Variants in PDGFA observed in about 807,000 individuals in gnomAD.
PDGFA encodes the protein platelet-derived growth factor subunit A.
PDGFA carries 9 observed loss-of-function variants against 25.6 expected under a neutral mutation model. The observed-to-expected ratio is 0.35, with a 90% CI of 0.21 to 0.61. PDGFA has a LOEUF of 0.61. Among genes scored for constraint, PDGFA ranks in the 20% least tolerant of loss-of-function variants. PDGFA has a pLI of 0.75. For synonymous variants in PDGFA, 133 were observed against 111.8 expected, an observed-to-expected ratio of 1.19 and a Z score of -1.20; for missense variants, 242 against 272.8, an observed-to-expected ratio of 0.89 and a Z score of 0.79.
At chr7:512,732 G>A (rs1285034966) in intron 2 of PDGFA, 18 of 1,209,736 alleles carry the variant, frequency 1.5e-5, no homozygotes, top group Non-Finnish European at 1.9e-5. Flanking sequence ...ACGAAGCGCA[G>A]GGCCCTTCGG....
Position 517,529 on chromosome 7 carries a change from G to C in PDGFA, c.64-39C>G, listed in dbSNP as rs1375780706. ...CCACACGGTCAGCGCCCGCGGCCCCGACCCCGCCGGCACGCGCCCCCGGCC... is the reference window on the plus strand; with the variant it reads ...CCACACGGTCAGCGCCCGCGGCCCCCACCCCGCCGGCACGCGCCCCCGGCC... On this transcript the variant is annotated intron_variant, in intron 1 of 5. Transcript: ENST00000402802. The surrounding 1 kb of genome is among the most constrained non-coding windows in gnomAD (Gnocchi z 7.4). The C allele has an allele frequency of 3.0e-6, 3 of 995,570 alleles. No individual in the cohort carries two copies. Among genetic ancestry groups the C allele is most frequent in the Non-Finnish European group, 3.8e-6 (3 of 789,762 alleles). The allele number at this position is 995,570 out of a possible 1,614,324, so 61.7% of individuals were successfully genotyped here. A position where few individuals can be genotyped will look rare whatever the true frequency, so the allele number is the denominator to read the frequency against.
intron 2 of PDGFA, among the ~76,000 whole-genome samples, chr7:516,049 C>CCA (rs558347240): frequency 1.2e-5 from 1 of 85,966 alleles, no homozygotes; most frequent in Non-Finnish European, 2.2e-5. Flanking sequence ...AGCCCCCCCC[C>CCA]CCCACTTTTC....
intron 2 of PDGFA, among the ~76,000 whole-genome samples, chr7:515,993 C>T (rs12720022): frequency 4.9e-5 from 6 of 121,610 alleles, no homozygotes; most frequent in Non-Finnish European, 8.9e-5. Context: ...TCCCCTTCTG[C>T]TAGCACCCCC....
At chr7:508,590 T>TAAAAAAAAAAC (rs1275774675) in intron 4 of PDGFA, among the ~76,000 whole-genome samples, 102 of 130,924 alleles carry the variant, frequency 7.8e-4, no homozygotes, top group Non-Finnish European at 1.2e-3. Context: ...AAAAAAAAAT[T>TAAAAAAAAAAC]CTCAGCTGAG....
At chr7:513,463 T>A (rs1456430346) in intron 2 of PDGFA, 1 of 152,194 alleles carries the variant, frequency 6.6e-6, no homozygotes, top group Non-Finnish European at 1.5e-5. Flanking sequence ...CTGGGCCTCC[T>A]TGCCTTGGCC....
chr7:518,901 G>T (rs1280885716), intron 1 of PDGFA, 38 bp downstream of exon 1: 3 of 1,416,270 alleles, frequency 2.1e-6, no homozygotes, highest in Non-Finnish European at 2.8e-6. Context: ...TGCGCCGGAG[G>T]AGCCGGCGCA....
intron 1 of PDGFA, chr7:518,606 C>A: frequency 3.3e-6 from 1 of 306,316 alleles, no homozygotes; most frequent in Admixed American, 5.2e-5. Context: ...CACACACACC[C>A]CCTTCCCCGC....
At chr7:506,163 G>A (rs1201063840) in intron 4 of PDGFA, among the ~76,000 whole-genome samples, 3 of 113,188 alleles carry the variant, frequency 2.7e-5, no homozygotes, top group African/African-American at 6.6e-5. Context: ...GCAACAGAGT[G>A]AGACTCTGTC....
exon 6 of PDGFA, chr7:498,318 C>T: frequency 2.1e-6 from 1 of 485,434 alleles, no homozygotes; most frequent in Non-Finnish European, 3.7e-6. Flanking sequence ...TTTTCTCTCT[C>T]TCTTTCTCTC....
Position 503,411 on chromosome 7 carries a change from CCT to C in PDGFA, c.454-2171_454-2170del, listed in dbSNP as rs533659284. 5.7e-3 allele frequency among the ~76,000 whole-genome samples: 862 copies of C among 152,264 alleles called. 4 individuals are homozygous for C. Among genetic ancestry groups the C allele is most frequent in the Admixed American group, 0.013 (195 of 15,302 alleles). ...AAAGGAAACGGAGGCCGGGTCACCC[CCT>C]GAGCACAGGGGCGTGGGGGAATGCA... On this transcript the variant is annotated intron_variant, in intron 4 of 5. Coordinates refer to ENST00000402802, the Ensembl canonical transcript of PDGFA.
intron 4 of PDGFA, among the ~76,000 whole-genome samples, chr7:504,640 G>A (rs542618760): frequency 1.9e-4 from 29 of 152,362 alleles, no homozygotes; most frequent in South Asian, 1.7e-3. Context: ...GCCAAGTGAG[G>A]CATGGGGCAG....
chr7:516,681 G>A (rs1185281372), intron 2 of PDGFA, among the ~76,000 whole-genome samples: 1 of 152,228 alleles, frequency 6.6e-6, no homozygotes, highest in East Asian at 1.9e-4. Context: ...GGTCCACCGG[G>A]GTCCCCCGGG....
upstream of PDGFA, chr7:519,814 C>A (rs1249542236): frequency 1.3e-5 from 2 of 148,394 alleles, no homozygotes; most frequent in African/African-American, 4.9e-5. Context: ...CCCGGCTCGC[C>A]GGAGTTGGGC....
intron 2 of PDGFA, among the ~76,000 whole-genome samples, chr7:516,043 C>A (rs1783078300): frequency 1.6e-5 from 1 of 61,886 alleles, no homozygotes; most frequent in Admixed American, 1.8e-4. Context: ...GGAAGCAGCC[C>A]CCCCCCCCCA....
intron 4 of PDGFA, among the ~76,000 whole-genome samples, chr7:503,149 C>T (rs9691779): frequency 0.55 from 83,827 of 151,640 alleles, 23,388 homozygotes; most frequent in Non-Finnish European, 0.59. Flanking sequence ...GAGGCGCAGG[C>T]AAGCTCTAAC....
chr7:505,871 G>C (rs1241341361), intron 4 of PDGFA, among the ~76,000 whole-genome samples: 1 of 152,194 alleles, frequency 6.6e-6, no homozygotes, highest in African/African-American at 2.4e-5. Context: ...TCCAGATGCT[G>C]ACTTGGGTCA....
chr7:500,479 T>C lies in PDGFA; in HGVS notation c.580+637A>G. ...TTTAACCTTTTTCTTTTCCGTTTTT[T>C]ACCTGACTCCCTAGGCCTTCCTGTT... On this transcript the variant is annotated intron_variant, in intron 5 of 5. Coordinates refer to ENST00000402802, the Ensembl canonical transcript of PDGFA. This position sits in a 1 kb window ranked among gnomAD's most constrained non-coding sequence, Gnocchi z 5.0. 1.2e-6 allele frequency: 2 copies of C among 1,614,092 alleles called. No individual in the cohort carries two copies. Among genetic ancestry groups the C allele is most frequent in the Non-Finnish European group, 1.7e-6 (2 of 1,180,042 alleles).
intron 2 of PDGFA, among the ~76,000 whole-genome samples, chr7:516,178 G>A (rs1371681713): frequency 2.8e-5 from 4 of 140,852 alleles, no homozygotes; most frequent in African/African-American, 1.1e-4. Context: ...CCGCCCAGCT[G>A]TGCTGTGGGA....
rs980891109 is a variant in PDGFA at position 500,508 on chromosome 7, A to G, written c.580+608T>C. ...TGACTCCCTAGGCCTTCCTGTTAAC[A>G]AAAGGGCAGGGCGGTGAGTGGGCCG... On this transcript the variant is annotated intron_variant, in intron 5 of 5. Transcript: ENST00000402802. This position sits in a 1 kb window ranked among gnomAD's most constrained non-coding sequence, Gnocchi z 5.0. The G allele has an allele frequency of 3.1e-6, 5 of 1,613,964 alleles. No individual in the cohort carries two copies. Among genetic ancestry groups the G allele is most frequent in the Non-Finnish European group, 4.2e-6 (5 of 1,180,010 alleles).
Sources: gnomAD v4.1 joint callset for allele counts (sites outside exome capture counted in the v4.1 genomes callset) on GRCh38, gnomAD v4.1.1 for gene constraint, Gnocchi (gnomAD v3.1) non-coding constraint, MANE v1.5 for transcripts, NCBI Gene and HGNC (gene_info 2026-07-23, HGNC 2026-07-21) for gene names.